The following NTRK3 variants were observed in gnomAD, a reference collection of about 807,000 sequenced individuals.
The protein encoded by NTRK3 is neurotrophic receptor tyrosine kinase 3, also known as NT-3 growth factor receptor.
NTRK3 carries 24 observed loss-of-function variants against 91.7 expected under a neutral mutation model. The observed-to-expected ratio is 0.26, with a 90% CI of 0.19 to 0.37. The LOEUF (loss-of-function observed/expected upper bound fraction) is 0.37. Ranked by LOEUF, NTRK3 falls within the 10% of genes least tolerant of loss-of-function variation. NTRK3 has a pLI of 1.00. For missense variants in NTRK3, 880 were observed against 1,068.9 expected, an observed-to-expected ratio of 0.82 and a Z score of 2.46; for synonymous variants, 483 against 404.0, an observed-to-expected ratio of 1.20 and a Z score of -2.34.
At chr15:88,218,462 T>C (rs755579459) in intron 3 of NTRK3, among the ~76,000 whole-genome samples, 2 of 152,182 alleles carry the variant, frequency 1.3e-5, no homozygotes, top group Non-Finnish European at 2.9e-5. Flanking sequence ...TTTCCTCCTC[T>C]GTAAAATGGG....
intron 3 of NTRK3, among the ~76,000 whole-genome samples, chr15:88,202,672 A>G (rs1259746196): frequency 1.3e-5 from 2 of 152,162 alleles, no homozygotes; most frequent in Non-Finnish European, 2.9e-5. Flanking sequence ...ATTCAAGCCC[A>G]TCTCCTCACC....
intron 13 of NTRK3, 81 bp from the exon 14 acceptor site, chr15:88,033,126 C>G: frequency 7.9e-7 from 1 of 1,258,972 alleles, no homozygotes. Context: ...CAACCCCCAA[C>G]TACTGTTCCC....
intron 14 of NTRK3, among the ~76,000 whole-genome samples, chr15:87,952,429 C>A (rs1210129100): frequency 6.6e-6 from 1 of 152,116 alleles, no homozygotes; most frequent in Non-Finnish European, 1.5e-5. Flanking sequence ...TCTGGTTGCC[C>A]CATTGGGGCT....
At chr15:88,188,007 C>T (rs919897490) in intron 3 of NTRK3, among the ~76,000 whole-genome samples, 2 of 152,272 alleles carry the variant, frequency 1.3e-5, no homozygotes, top group African/African-American at 4.8e-5. Context: ...CCTGTGGGGG[C>T]GGTGACTGGT....
chr15:87,937,962 A>G (rs1596321082), intron 15 of NTRK3, among the ~76,000 whole-genome samples: 1 of 151,786 alleles, frequency 6.6e-6, no homozygotes, highest in African/African-American at 2.4e-5. Flanking sequence ...ATGAAATGAC[A>G]GAGACGAAAA....
chr15:87,944,652 G>A (rs1392128103), intron 14 of NTRK3, among the ~76,000 whole-genome samples: 2 of 152,168 alleles, frequency 1.3e-5, no homozygotes, highest in African/African-American at 4.8e-5. Context: ...AGTTCACAGA[G>A]GCTTAACCCT....
chr15:87,899,623 A>T (rs1372930486), intron 17 of NTRK3, among the ~76,000 whole-genome samples: 3 of 152,174 alleles, frequency 2.0e-5, no homozygotes, highest in Non-Finnish European at 4.4e-5. Flanking sequence ...TGCCAGAAGG[A>T]GCTGGAGAGG....
intron 3 of NTRK3, among the ~76,000 whole-genome samples, chr15:88,191,588 A>G (rs1186850606): frequency 6.6e-6 from 1 of 152,244 alleles, no homozygotes; most frequent in East Asian, 1.9e-4. Context: ...ACAAGTCAGC[A>G]TTGGAGCACA....
rs114881478 is a variant in NTRK3, at chr15:88,064,990, C to A, written c.1397-31945G>T. On this transcript the variant is annotated intron_variant, in intron 13 of 18. Transcript: ENST00000394480. ...GTATCTCCAAAGCCTGGCTCATTTG[C>A]AGGTACATAACATATGCTTGATAAC... 6.4e-3 allele frequency among the ~76,000 whole-genome samples: 977 copies of A among 152,332 alleles called. 11 individuals carry two copies. The highest frequency in any genetic ancestry group is 0.022 in the African/African-American group (924 of 41,576).
intron 13 of NTRK3, among the ~76,000 whole-genome samples, chr15:88,116,274 T>C (rs911570415): frequency 2.0e-5 from 3 of 152,094 alleles, no homozygotes; most frequent in Non-Finnish European, 4.4e-5. Context: ...AGGATAGAAC[T>C]GAAATGCCTT....
chr15:88,073,527 C>G (rs2047268310), intron 13 of NTRK3, among the ~76,000 whole-genome samples: 1 of 152,160 alleles, frequency 6.6e-6, no homozygotes, highest in Non-Finnish European at 1.5e-5. Flanking sequence ...CAGTTTACAT[C>G]CTGCCGCCCC....
intron 13 of NTRK3, among the ~76,000 whole-genome samples, chr15:88,124,430 T>G (rs1018592010): frequency 6.6e-6 from 1 of 152,122 alleles, no homozygotes; most frequent in South Asian, 2.1e-4. Flanking sequence ...TGACAATTAA[T>G]AGGAAAAATC....
chr15:88,136,014 A>G (rs2041842858), exon 9 of NTRK3: 1 of 1,614,278 alleles, frequency 6.2e-7, no homozygotes, highest in South Asian at 1.1e-5. Flanking sequence ...AGTTGATGGC[A>G]TGAACATTGG....
At chr15:87,969,116 GC>G (rs2073043998) in intron 14 of NTRK3, among the ~76,000 whole-genome samples, 1 of 152,014 alleles carries the variant, frequency 6.6e-6, no homozygotes, top group African/African-American at 2.4e-5. Flanking sequence ...TAGGACAATT[GC>G]CTTCATCTTT....
chr15:87,866,635 T>C (rs907790780), exon 19 of NTRK3: 1 of 186,910 alleles, frequency 5.4e-6, no homozygotes, highest in Non-Finnish European at 1.1e-5. Context: ...TTGAAGTATC[T>C]ATTGATACAT....
intron 3 of NTRK3, among the ~76,000 whole-genome samples, chr15:88,207,937 C>T (rs1476876575): frequency 6.6e-6 from 1 of 152,188 alleles, no homozygotes; most frequent in Non-Finnish European, 1.5e-5. Context: ...AACAGGTAAC[C>T]TTGTGGATTC....
intron 5 of NTRK3, among the ~76,000 whole-genome samples, chr15:88,172,570 G>T (rs1212549115): frequency 1.3e-5 from 2 of 152,168 alleles, no homozygotes; most frequent in Non-Finnish European, 2.9e-5. Context: ...AATTCTTAAG[G>T]TTCAGTCCAG....
intron 3 of NTRK3, among the ~76,000 whole-genome samples, chr15:88,226,971 T>C (rs1389102557): frequency 2.0e-5 from 3 of 152,232 alleles, no homozygotes; most frequent in Non-Finnish European, 4.4e-5. Flanking sequence ...ACTTTATGTA[T>C]GCATCTGCAC....
rs554287993 is a variant in NTRK3, at chr15:88,240,326, C to T, written c.248+15580G>A. ...GAGACAACAATGCCCGATCCCGACA[C>T]ACCCGATAAACTGTGGCAGTGATGG... On this transcript the variant is annotated intron_variant, in intron 3 of 18. Coordinates refer to ENST00000394480, the Ensembl canonical transcript of NTRK3. The surrounding 1 kb of genome is among the most constrained non-coding windows in gnomAD (Gnocchi z 4.9). Among the ~76,000 whole-genome samples the T allele has an allele frequency of 1.1e-3, 167 of 152,306 alleles. No individual in the cohort carries two copies. The highest frequency in any genetic ancestry group is 1.9e-3 in the Non-Finnish European group (132 of 68,026).
Sources: allele counts gnomAD v4.1 joint callset (sites outside exome capture counted in the v4.1 genomes callset), GRCh38; gene constraint gnomAD v4.1.1; non-coding constraint Gnocchi (gnomAD v3.1); transcripts MANE v1.5; gene names NCBI Gene and HGNC (gene_info 2026-07-23, HGNC 2026-07-21).